AUTS2: variants seen among roughly 807,000 people sequenced by gnomAD.
The protein encoded by AUTS2 is autism susceptibility gene 2 protein.
AUTS2 carries 17 observed loss-of-function variants against 112.4 expected under a neutral mutation model. The observed-to-expected ratio is 0.15, with a 90% CI of 0.10 to 0.23. The LOEUF (loss-of-function observed/expected upper bound fraction) is 0.23. Among genes scored for constraint, AUTS2 ranks in the 10% least tolerant of loss-of-function variants. The pLI, the probability that AUTS2 is intolerant of heterozygous loss-of-function variation, is 1.00. For missense variants in AUTS2, 1,510 were observed against 1,701.6 expected (o/e 0.89, Z 1.98); for synonymous variants, 751 against 702.7 (o/e 1.07, Z -1.09).
chr7:70,704,989 T>C (rs1585539988), intron 6 of AUTS2, among the ~76,000 whole-genome samples: 1 of 152,180 alleles, frequency 6.6e-6, no homozygotes, highest in African/African-American at 2.4e-5. Flanking sequence ...CTCAATGAAA[T>C]GGAGAAAGTT....
chr7:70,248,035 T>A (rs528890346), intron 4 of AUTS2, among the ~76,000 whole-genome samples: 3 of 152,334 alleles, frequency 2.0e-5, no homozygotes, highest in Admixed American at 6.5e-5. Flanking sequence ...GATTTTCCAA[T>A]GTTAAATCAA....
chr7:69,772,005 G>A (rs536773192), intron 1 of AUTS2, among the ~76,000 whole-genome samples: 3 of 152,082 alleles, frequency 2.0e-5, no homozygotes, highest in Non-Finnish European at 4.4e-5. Flanking sequence ...GGCTGGTCTC[G>A]AACTCTTGAC....
intron 1 of AUTS2, among the ~76,000 whole-genome samples, chr7:69,774,859 C>T (rs1476613887): frequency 6.6e-6 from 1 of 152,058 alleles, no homozygotes; most frequent in Non-Finnish European, 1.5e-5. Flanking sequence ...ATTAATGCCC[C>T]AGGTGGTTCT....
intron 4 of AUTS2, among the ~76,000 whole-genome samples, chr7:70,148,088 T>C (rs759307906): frequency 5.9e-5 from 9 of 152,086 alleles, no homozygotes; most frequent in Non-Finnish European, 1.3e-4. Context: ...TTTAATCATA[T>C]CTGATTAAAT....
intron 5 of AUTS2, among the ~76,000 whole-genome samples, chr7:70,491,589 T>TATTGTG (rs1461767874): frequency 7.2e-6 from 1 of 138,804 alleles, no homozygotes; most frequent in African/African-American, 2.7e-5. Context: ...TGTATATATA[T>TATTGTG]TGTGTGTGTG....
intron 1 of AUTS2, among the ~76,000 whole-genome samples, chr7:69,685,144 C>T (rs939703896): frequency 7.2e-5 from 11 of 152,332 alleles, no homozygotes; most frequent in Admixed American, 3.9e-4. Context: ...AGGCTCTCTC[C>T]CTAAGGCAGC....
At chr7:70,085,033 C>T (rs1207321356) in intron 2 of AUTS2, among the ~76,000 whole-genome samples, 2 of 152,100 alleles carry the variant, frequency 1.3e-5, no homozygotes, top group Non-Finnish European at 2.9e-5. Flanking sequence ...CTACCCTACC[C>T]AGCTAATTTT....
chr7:69,925,993 C>A (rs938001007), intron 2 of AUTS2, among the ~76,000 whole-genome samples: 3 of 152,110 alleles, frequency 2.0e-5, no homozygotes, highest in Non-Finnish European at 4.4e-5. Flanking sequence ...TCTCTAAAAA[C>A]AAAAAACAAA....
Position 70,765,136 on chromosome 7 carries a change from C to T in AUTS2, c.1468+131C>T, listed in dbSNP as rs567637069. 1.2e-5 allele frequency: 15 copies of T among 1,233,104 alleles called. No homozygotes were observed. In the African/African-American group the frequency reaches 1.7e-4, roughly 14 times the overall value. The allele number at this position is 1,233,104 out of a possible 1,614,324, so 76.4% of individuals were successfully genotyped here. On this transcript the variant is annotated intron_variant, in intron 8 of 18. Transcript: ENST00000342771. The stretch of plus-strand genomic sequence containing the variant: ...TTTTTCCTTCCTTACTGTGATCTTC[C>T]TCAAACGCTCTCTGGCCTGAGGTCC...
intron 5 of AUTS2, among the ~76,000 whole-genome samples, chr7:70,492,180 AG>A (rs1266194431): frequency 6.6e-6 from 1 of 152,126 alleles, no homozygotes; most frequent in Non-Finnish European, 1.5e-5. Flanking sequence ...TCAGGGGTGC[AG>A]GTGTTCCCTA....
intron 5 of AUTS2, among the ~76,000 whole-genome samples, chr7:70,481,422 A>G (rs533506841): frequency 1.3e-5 from 2 of 152,166 alleles, no homozygotes; most frequent in African/African-American, 4.8e-5. Context: ...AATTGCTTCT[A>G]TGGAATTTCT....
At chr7:70,583,029 G>T (rs768952340) in intron 5 of AUTS2, among the ~76,000 whole-genome samples, 1 of 152,056 alleles carries the variant, frequency 6.6e-6, no homozygotes, top group South Asian at 2.1e-4. Flanking sequence ...TTGTCCAAAC[G>T]CATATTGCCT....
At chr7:70,097,807 T>G (rs991127062) in intron 2 of AUTS2, among the ~76,000 whole-genome samples, 7 of 152,204 alleles carry the variant, frequency 4.6e-5, no homozygotes, top group Non-Finnish European at 7.3e-5. Context: ...CTCAGCCTCT[T>G]GACATGCATG....
chr7:69,728,470 T>G (rs965698615), intron 1 of AUTS2, among the ~76,000 whole-genome samples: 1 of 151,398 alleles, frequency 6.6e-6, no homozygotes, highest in Non-Finnish European at 1.5e-5. Context: ...CCTGTGTGGG[T>G]TTTTTGCTTT....
chr7:70,498,033 G>A (rs1049322087), intron 5 of AUTS2, among the ~76,000 whole-genome samples: 3 of 152,196 alleles, frequency 2.0e-5, no homozygotes, highest in Non-Finnish European at 4.4e-5. Context: ...GCCAAGGAGA[G>A]AAAGAAAGCA....
chr7:70,482,049 C>T (rs948361908), intron 5 of AUTS2, among the ~76,000 whole-genome samples: 14 of 152,020 alleles, frequency 9.2e-5, no homozygotes, highest in Non-Finnish European at 1.5e-4. Context: ...GGTTAAAGTC[C>T]GTAGGCTTGA....
chr7:70,646,981 T>G (rs1806205196), intron 5 of AUTS2, among the ~76,000 whole-genome samples: 1 of 152,220 alleles, frequency 6.6e-6, no homozygotes, highest in Non-Finnish European at 1.5e-5. Flanking sequence ...TCAGGGCTGA[T>G]CCTGCCACCT....
chr7:69,704,624 C>T (rs1797977379), intron 1 of AUTS2, among the ~76,000 whole-genome samples: 1 of 152,054 alleles, frequency 6.6e-6, no homozygotes, highest in Admixed American at 6.6e-5. Context: ...TGGTCCAGGC[C>T]ACAGGACTAT....
At chr7:70,785,546 C>A in intron 16 of AUTS2, 1 of 465,740 alleles carries the variant, frequency 2.1e-6, no homozygotes. Flanking sequence ...CATTGGCTTG[C>A]ACAACATCAG....
Sources: allele counts gnomAD v4.1 joint callset (sites outside exome capture counted in the v4.1 genomes callset), GRCh38; gene constraint gnomAD v4.1.1; transcripts MANE v1.5; gene names NCBI Gene and HGNC (gene_info 2026-07-23, HGNC 2026-07-21).